The following ATP2B2 variants were observed in gnomAD, a reference collection of about 807,000 sequenced individuals.
The protein encoded by ATP2B2 is plasma membrane calcium-transporting ATPase 2.
Under a neutral mutation model 120.0 loss-of-function variants are expected in ATP2B2, and 15 were observed. That is an observed-to-expected ratio of 0.12 (90% CI 0.08 to 0.19). The LOEUF (loss-of-function observed/expected upper bound fraction) is 0.19. ATP2B2 is among the 10% of genes least tolerant of loss of function. ATP2B2 has a pLI of 1.00. For missense variants in ATP2B2, 1,045 were observed against 1,719.8 expected (o/e 0.61, Z 6.94); for synonymous variants, 694 against 700.3 (o/e 0.99, Z 0.14).
chr3:10,562,148 G>C (rs2067916407), intron 2 of ATP2B2, among the ~76,000 whole-genome samples: 1 of 152,194 alleles, frequency 6.6e-6, no homozygotes, highest in Non-Finnish European at 1.5e-5. Context: ...GGGAGGTGCA[G>C]TGATTCTCTT....
intron 2 of ATP2B2, among the ~76,000 whole-genome samples, chr3:10,606,916 G>C (rs10446432): frequency 0.45 from 30,501 of 67,514 alleles, 4,256 homozygotes; most frequent in East Asian, 0.52. Flanking sequence ...CACACACAGA[G>C]AGAGAGAGAG....
intron 22 of ATP2B2, chr3:10,332,399 C>A: frequency 3.8e-6 from 1 of 260,400 alleles, no homozygotes; most frequent in Non-Finnish European, 7.6e-6. Flanking sequence ...CTGCTACAGA[C>A]TTGCTAAGCA....
chr3:10,350,451 G>A lies in ATP2B2; in HGVS notation c.2263C>T (p.Leu755=). Residue 755 remains leucine, a synonymous_variant, in exon 15 of 23, where the codon CTG becomes TTG. Transcript: ENST00000360273. ...TTGAACTCCTTGCCCTCGAGGCACA[G>A]AAAGTCCTCCCCAGGATGGATGATG... ...CGIIHPGEDF[L]CLEGKEFNRR... 6.2e-7 allele frequency: 1 copy of A among 1,614,234 alleles called. No individual in the cohort carries two copies. The highest frequency in any genetic ancestry group is 1.1e-5 in the South Asian group (1 of 91,088).
At chr3:10,702,689 C>T (rs920561367) in intron 1 of ATP2B2, among the ~76,000 whole-genome samples, 1 of 152,190 alleles carries the variant, frequency 6.6e-6, no homozygotes, top group Admixed American at 6.5e-5. Context: ...GGTCATTTTC[C>T]TAAGTCCCAC....
intron 1 of ATP2B2, among the ~76,000 whole-genome samples, chr3:10,707,751 G>A (rs1042607447): frequency 1.3e-5 from 2 of 151,326 alleles, no homozygotes; most frequent in Non-Finnish European, 3.0e-5. Context: ...CTGCCTCCGC[G>A]GGGCGAAGGG....
chr3:10,609,362 C>T (rs2069168601), intron 2 of ATP2B2, among the ~76,000 whole-genome samples: 1 of 152,246 alleles, frequency 6.6e-6, no homozygotes. Flanking sequence ...CACAGCCGCC[C>T]CCACCCATGA....
chr3:10,400,115 G>C (rs990145049), intron 5 of ATP2B2, among the ~76,000 whole-genome samples: 2 of 152,182 alleles, frequency 1.3e-5, no homozygotes, highest in Non-Finnish European at 2.9e-5. Context: ...TGTGAAAAGG[G>C]GCCTCACCTG....
intron 3 of ATP2B2, among the ~76,000 whole-genome samples, chr3:10,408,763 G>A (rs941441718): frequency 7.2e-5 from 11 of 152,124 alleles, no homozygotes; most frequent in Non-Finnish European, 1.2e-4. Flanking sequence ...CACATGAGGC[G>A]CTCGGTCCAT....
intron 1 of ATP2B2, among the ~76,000 whole-genome samples, chr3:10,623,083 G>T (rs2069597038): frequency 7.1e-6 from 1 of 140,588 alleles, no homozygotes; most frequent in Non-Finnish European, 1.5e-5. Context: ...TTTTCCCTGA[G>T]GAAGGGGCTC....
chr3:10,549,441 C>T (rs2067620751), intron 2 of ATP2B2, among the ~76,000 whole-genome samples: 1 of 151,646 alleles, frequency 6.6e-6, no homozygotes, highest in Admixed American at 6.6e-5. Flanking sequence ...CACACAGGTT[C>T]CTGGGAGAGC....
chr3:10,349,975 G>C, intron 16 of ATP2B2, 137 bp downstream of exon 16: 1 of 845,432 alleles, frequency 1.2e-6, no homozygotes, highest in Admixed American at 2.3e-5. Context: ...GGTGACATAA[G>C]GCTGTGCCCA....
At chr3:10,374,957 G>C (rs578081041) in intron 11 of ATP2B2, among the ~76,000 whole-genome samples, 1 of 152,368 alleles carries the variant, frequency 6.6e-6, no homozygotes, top group Non-Finnish European at 1.5e-5. Context: ...AAGCGCTACA[G>C]TTGCCCGCGG....
At chr3:10,400,143 G>A (rs920123199) in intron 5 of ATP2B2, among the ~76,000 whole-genome samples, 2 of 152,242 alleles carry the variant, frequency 1.3e-5, no homozygotes, top group Admixed American at 1.3e-4. Flanking sequence ...TCTCACCCCT[G>A]CAGGGTTTCC....
chr3:10,485,945 C>T (rs1259160255), intron 1 of ATP2B2, among the ~76,000 whole-genome samples: 1 of 152,180 alleles, frequency 6.6e-6, no homozygotes, highest in African/African-American at 2.4e-5. Context: ...ATGTGGGGGC[C>T]AGGGCATCAT....
chr3:10,637,530 G>C (rs1387631307), intron 1 of ATP2B2, among the ~76,000 whole-genome samples: 6 of 152,222 alleles, frequency 3.9e-5, no homozygotes, highest in African/African-American at 1.4e-4. Flanking sequence ...CTCAATAGCA[G>C]ATTAGACACT....
intron 2 of ATP2B2, among the ~76,000 whole-genome samples, chr3:10,589,250 G>A (rs771291792): frequency 4.1e-4 from 63 of 152,320 alleles, no homozygotes; most frequent in Non-Finnish European, 7.4e-4. Flanking sequence ...GGCTGTCAGA[G>A]TCCTAGAAGG....
At chr3:10,506,770 G>A (rs890593463), upstream of ATP2B2, among the ~76,000 whole-genome samples, 10 of 152,274 alleles carry the variant, frequency 6.6e-5, no homozygotes, top group Admixed American at 3.3e-4. Flanking sequence ...AGGCGGCCCC[G>A]GGAGGCAGTT....
chr3:10,703,820 C>A (rs1304557564), intron 1 of ATP2B2, among the ~76,000 whole-genome samples: 1 of 152,232 alleles, frequency 6.6e-6, no homozygotes, highest in East Asian at 1.9e-4. Flanking sequence ...CATGAGGGCC[C>A]CTTTCATAAA....
At chr3:10,659,274 C>T (rs2070718769) in intron 1 of ATP2B2, among the ~76,000 whole-genome samples, 1 of 152,070 alleles carries the variant, frequency 6.6e-6, no homozygotes, top group Non-Finnish European at 1.5e-5. Flanking sequence ...TGGGATAAAT[C>T]CTCCAATTAA....
Sources: allele counts gnomAD v4.1 joint callset (sites outside exome capture counted in the v4.1 genomes callset), GRCh38; gene constraint gnomAD v4.1.1; transcripts MANE v1.5; gene names NCBI Gene and HGNC (gene_info 2026-07-23, HGNC 2026-07-21).